OR10V1: variants seen among roughly 807,000 people sequenced by gnomAD.
OR10V1 encodes the protein olfactory receptor 10V1.
For synonymous variants in OR10V1, 139 were observed against 148.2 expected, an observed-to-expected ratio of 0.94 and a Z score of 0.45; for missense variants, 391 against 378.8, an observed-to-expected ratio of 1.03 and a Z score of -0.27.
Position 59,713,240 on chromosome 11 carries a change from G to C in OR10V1, c.606C>G (p.Ile202Met). ...DTRVHKTALY[I>M]ISFIVLSIPL... ...GGATGCTAAGGACGATGAAGCTGAT[G>C]ATATACAGAGCAGTCTTGTGAACGC... The change falls in exon 1 of 1, where the codon ATC (isoleucine) becomes ATG (methionine). Residue 202 changes from isoleucine to methionine, a missense_variant. Transcript: ENST00000307552. 4 of 1,614,174 alleles carry C rather than the reference G, an allele frequency of 2.5e-6. No homozygotes were observed. Among genetic ancestry groups the C allele is most frequent in the Non-Finnish European group, 3.4e-6 (4 of 1,180,022 alleles).
rs1290226961 is a variant in OR10V1, at chr11:59,713,380, A to G, written c.466T>C (p.Leu156=). 3 of 1,613,804 alleles carry G rather than the reference A, an allele frequency of 1.9e-6. No individual in the cohort carries two copies. Among genetic ancestry groups the G allele is most frequent in the Non-Finnish European group, 2.5e-6 (3 of 1,180,016 alleles). ...ATTAAAATGGTGAGTGGCAGTGACA[A>G]CAGGAACCCCAGCACCAAGGAGCCT... ...LVGSLVLGFL[L]SLPLTILIFH... Residue 156 remains leucine (L), a synonymous_variant, in exon 1 of 1, where the codon TTG becomes CTG. Transcript: ENST00000307552.
In OR10V1 at chr11:59,713,459, G is replaced by T. The variant is rs542215718; in HGVS notation, c.387C>A (p.His129Gln). Residue 129 changes from histidine (H) to glutamine (Q), a missense_variant, in exon 1 of 1, where the codon CAC becomes CAA. By Grantham distance (24) the His-to-Gln change is conservative. Coordinates refer to ENST00000307552, the MANE Select transcript of OR10V1 (RefSeq NM_001005324.1). ...MAYDQFIAIC[H>Q]PLRYRLIMSW... ...TCATGATGAGCCTGTATCGCAGAGGGTGACAGATCGCTATAAACTGGTCAT... is the reference window on the plus strand; with the variant it reads ...TCATGATGAGCCTGTATCGCAGAGGTTGACAGATCGCTATAAACTGGTCAT... 1 of 1,613,504 alleles carries T rather than the reference G, an allele frequency of 6.2e-7. No homozygotes were observed. The highest frequency in any genetic ancestry group is 8.5e-7 in the Non-Finnish European group (1 of 1,179,722).
Position 59,713,032 on chromosome 11 carries a change from C to T in OR10V1, c.814G>A (p.Gly272Ser). The T allele has an allele frequency of 6.2e-7, 1 of 1,614,058 alleles. No individual in the cohort carries two copies. Among genetic ancestry groups the T allele is most frequent in the Non-Finnish European group, 8.5e-7 (1 of 1,179,980 alleles). The change falls in exon 1 of 1, where the codon GGC becomes AGC. Residue 272 changes from glycine to serine, a missense_variant. By Grantham distance (56) the Gly-to-Ser change is moderately conservative. Transcript: ENST00000307552. Reference protein sequence around the residue: ...SPSSSYSPEMGRVVSVAYTFI... With the variant: ...SPSSSYSPEMSRVVSVAYTFI... ...GTGTAGGCCACAGATACCACCCGGCCCATCTCAGGAGAGTAGCTGGAACTG... is the reference window on the plus strand; with the variant it reads ...GTGTAGGCCACAGATACCACCCGGCTCATCTCAGGAGAGTAGCTGGAACTG...
chr11:59,713,447 G>C lies in OR10V1; in HGVS notation c.399C>G (p.Tyr133Ter), dbSNP rs147991689. The change falls in exon 1 of 1, where the codon TAC becomes TAG. Residue 133 changes from tyrosine to a stop codon, truncating the protein, a stop_gained. Coordinates refer to ENST00000307552, the MANE Select transcript of OR10V1 (RefSeq NM_001005324.1). LOFTEE classifies it low-confidence loss of function (END_TRUNC). ...QFIAICHPLR[Y>*]RLIMSWSLCV... The stretch of plus-strand genomic sequence containing the variant: ...ACAAGGACCAGCTCATGATGAGCCT[G>C]TATCGCAGAGGGTGACAGATCGCTA... 2 of 1,613,520 alleles carry C rather than the reference G, an allele frequency of 1.2e-6. No homozygotes were observed. Among genetic ancestry groups the C allele is most frequent in the African/African-American group, 1.3e-5 (1 of 75,046 alleles).
Position 59,713,578 on chromosome 11 carries a change from TG to T in OR10V1, c.267del (p.Thr91LeufsTer27). On this transcript the variant is annotated frameshift_variant, in exon 1 of 1. Coordinates refer to ENST00000307552, the MANE Select transcript of OR10V1 (RefSeq NM_001005324.1). LOFTEE classifies it low-confidence loss of function (END_TRUNC). ...CATCCCGTGATGGAAACAGGAGTTT[TG>T]CCCATTGAAAGGAGGTTTGCCAAGG... The part of the protein sequence containing the change: ...PLALANLLSM[G>X]KTPVSITGCG... The T allele has an allele frequency of 6.2e-7, 1 of 1,614,152 alleles. No homozygotes were observed. Among genetic ancestry groups the T allele is most frequent in the Non-Finnish European group, 8.5e-7 (1 of 1,180,034 alleles).
chr11:59,713,693 G>GATCT lies in OR10V1; in HGVS notation c.149_152dup (p.Asn52AspfsTer15), dbSNP rs752359664. The stretch of plus-strand genomic sequence containing the variant: ...ACATGGGGGTGTGGAGGGAATGATT[G>GATCT]ATCTGAACAATGACTGCAATTGTAG... On this transcript the variant is annotated frameshift_variant, in exon 1 of 1. Coordinates refer to ENST00000307552, the MANE Select transcript of OR10V1 (RefSeq NM_001005324.1). LOFTEE classifies it low-confidence loss of function (END_TRUNC). 1.2e-6 allele frequency: 2 copies of GATCT among 1,613,990 alleles called. No individual in the cohort carries two copies. The highest frequency in any genetic ancestry group is 2.7e-5 in the African/African-American group (2 of 74,922).
chr11:59,713,689 G>A lies in OR10V1; in HGVS notation c.157C>T (p.His53Tyr), dbSNP rs760191577. The change falls in exon 1 of 1, where the codon CAT becomes TAT. Residue 53 changes from histidine (H) to tyrosine (Y), a missense_variant. Transcript: ENST00000307552. ...ATIAVIVQIN[H>Y]SLHTPMYFFL... Reference sequence around the variant, plus strand: ...AAGTACATGGGGGTGTGGAGGGAATGATTGATCTGAACAATGACTGCAATT... The same window carrying A: ...AAGTACATGGGGGTGTGGAGGGAATAATTGATCTGAACAATGACTGCAATT... 2 of 1,614,144 alleles carry A rather than the reference G, an allele frequency of 1.2e-6. No individual in the cohort carries two copies. The highest frequency in any genetic ancestry group is 1.7e-6 in the Non-Finnish European group (2 of 1,180,018).
rs1862207393 is a variant in OR10V1, at chr11:59,713,703, A to G, written c.143T>C (p.Ile48Thr). 1 of 1,614,158 alleles carries G rather than the reference A, an allele frequency of 6.2e-7. No homozygotes were observed. The highest frequency in any genetic ancestry group is 2.2e-5 in the East Asian group (1 of 44,878). ...GTGGAGGGAATGATTGATCTGAACA[A>G]TGACTGCAATTGTAGCATTTCCACC... ...SLGGNATIAVIVQINHSLHTP... is the reference protein window; with the variant it reads ...SLGGNATIAVTVQINHSLHTP... The change falls in exon 1 of 1, where the codon ATT becomes ACT. Residue 48 changes from isoleucine to threonine, a missense_variant. Physicochemically the swap from Ile to Thr is moderately conservative, Grantham distance 89. Coordinates refer to ENST00000307552, the MANE Select transcript of OR10V1 (RefSeq NM_001005324.1).
rs753564004 is a variant in OR10V1 at position 59,713,216 on chromosome 11, G to C, written c.630C>G (p.Ile210Met). The change falls in exon 1 of 1, where the codon ATC becomes ATG. Residue 210 changes from isoleucine (I) to methionine (M), a missense_variant. Ile to Met is a conservative substitution (Grantham distance 10). Coordinates refer to ENST00000307552, the MANE Select transcript of OR10V1 (RefSeq NM_001005324.1). ...LYIISFIVLS[I>M]PLSLISISYV... ...AGGAGATGGAGATCAATGAGAGGGG[G>C]ATGCTAAGGACGATGAAGCTGATGA... The C allele has an allele frequency of 1.2e-6, 2 of 1,614,000 alleles. No individual in the cohort carries two copies. Among genetic ancestry groups the C allele is most frequent in the African/African-American group, 2.7e-5 (2 of 74,902 alleles).
In OR10V1 at chr11:59,712,943, G is replaced by A; in HGVS notation, c.903C>T (p.Ala301=). ...YSLRNKELKD[A]LRKALRKF Reference sequence around the variant, plus strand: ...AGAATTTTCTCAATGCTTTCCTTAGGGCATCTTTCAGTTCCTTGTTCCTCA... The same window carrying A: ...AGAATTTTCTCAATGCTTTCCTTAGAGCATCTTTCAGTTCCTTGTTCCTCA... The change falls in exon 1 of 1, where the codon GCC becomes GCT. Residue 301 remains alanine (A), a synonymous_variant. Coordinates refer to ENST00000307552, the MANE Select transcript of OR10V1 (RefSeq NM_001005324.1). 2 of 1,613,278 alleles carry A rather than the reference G, an allele frequency of 1.2e-6. No homozygotes were observed. The highest frequency in any genetic ancestry group is 1.7e-6 in the Non-Finnish European group (2 of 1,179,504).
Position 59,713,299 on chromosome 11 carries a change from G to C in OR10V1, c.547C>G (p.Pro183Ala). The C allele has an allele frequency of 6.2e-7, 1 of 1,614,130 alleles. No individual in the cohort carries two copies. The highest frequency in any genetic ancestry group is 8.5e-7 in the Non-Finnish European group (1 of 1,180,000). ...GCACAAGCCAGGCGCATGACTGCAG[G>C]CATGTCACAGTAGAAGTGGTAGATC... is the stretch of plus-strand genomic sequence containing the variant. ...DEIYHFYCDMPAVMRLACADT... is the reference protein window; with the variant it reads ...DEIYHFYCDMAAVMRLACADT... The change falls in exon 1 of 1, where the codon CCT becomes GCT. Residue 183 changes from proline to alanine, a missense_variant. Coordinates refer to ENST00000307552, the MANE Select transcript of OR10V1 (RefSeq NM_001005324.1).
At position 59,712,964 on chromosome 11, in the gene OR10V1, C is replaced by T. The variant is rs1008205289; in HGVS notation, c.882G>A (p.Arg294=). 1 of 1,613,976 alleles carries T rather than the reference C, an allele frequency of 6.2e-7. No individual in the cohort carries two copies. The highest frequency in any genetic ancestry group is 8.5e-7 in the Non-Finnish European group (1 of 1,179,942). The change falls in exon 1 of 1, where the codon AGG becomes AGA. Residue 294 remains arginine, a synonymous_variant. Transcript: ENST00000307552. ...TTAGGGCATCTTTCAGTTCCTTGTT[C>T]CTCAAACTATAGATCAAGGGGTTTA... The part of the protein sequence containing the change: ...PILNPLIYSL[R]NKELKDALRK...
In OR10V1 at chr11:59,713,472, A is replaced by G. The variant is rs1429887828; in HGVS notation, c.374T>C (p.Ile125Thr). 1.2e-6 allele frequency: 2 copies of G among 1,613,718 alleles called. No homozygotes were observed. Among genetic ancestry groups the G allele is most frequent in the Admixed American group, 1.7e-5 (1 of 59,882 alleles). ...LLVVMAYDQF[I>T]AICHPLRYRL... is the part of the protein sequence containing the mutation. Reference sequence around the variant, plus strand: ...GTATCGCAGAGGGTGACAGATCGCTATAAACTGGTCATAAGCCATGACTAC... The same window carrying G: ...GTATCGCAGAGGGTGACAGATCGCTGTAAACTGGTCATAAGCCATGACTAC... Residue 125 changes from isoleucine to threonine, a missense_variant, in exon 1 of 1, where the codon ATA (isoleucine) becomes ACA (threonine). Coordinates refer to ENST00000307552, the MANE Select transcript of OR10V1 (RefSeq NM_001005324.1).
rs1862205064 is a variant in OR10V1 at position 59,713,598 on chromosome 11, G to T, written c.248C>A (p.Ala83Glu). The T allele has an allele frequency of 6.2e-7, 1 of 1,614,178 alleles. No individual in the cohort carries two copies. Among genetic ancestry groups the T allele is most frequent in the Admixed American group, 1.7e-5 (1 of 60,012 alleles). ...AGTTTTGCCCATTGAAAGGAGGTTT[G>T]CCAAGGCCAATGGGGTGATGGAAGA... Reference protein sequence around the residue: ...YTSSITPLALANLLSMGKTPV... With the variant: ...YTSSITPLALENLLSMGKTPV... The change falls in exon 1 of 1, where the codon GCA becomes GAA. Residue 83 changes from alanine to glutamate, a missense_variant. Transcript: ENST00000307552.
rs774571833 is a variant in OR10V1, at chr11:59,713,310, T to C, written c.536A>G (p.Tyr179Cys). 4 of 1,613,860 alleles carry C rather than the reference T, an allele frequency of 2.5e-6. No individual in the cohort carries two copies. In the Admixed American group the frequency reaches 5.0e-5, roughly 20 times the overall value. ...GCGCATGACTGCAGGCATGTCACAG[T>C]AGAAGTGGTAGATCTCATCATTGTG... ...FCHNDEIYHFYCDMPAVMRLA... is the reference protein window; with the variant it reads ...FCHNDEIYHFCCDMPAVMRLA... Residue 179 changes from tyrosine to cysteine, a missense_variant, in exon 1 of 1, where the codon TAC becomes TGC. Transcript: ENST00000307552.
Position 59,712,932 on chromosome 11 carries a change from G to A in OR10V1, c.914C>T (p.Ala305Val). The A allele has an allele frequency of 6.2e-7, 1 of 1,611,698 alleles. No individual in the cohort carries two copies. The highest frequency in any genetic ancestry group is 8.5e-7 in the Non-Finnish European group (1 of 1,178,416). The change falls in exon 1 of 1, where the codon GCA (alanine) becomes GTA (valine). Residue 305 changes from alanine (A) to valine (V), a missense_variant. Transcript: ENST00000307552. ...TCATCCTACCTAGAATTTTCTCAATGCTTTCCTTAGGGCATCTTTCAGTTC... is the reference window on the plus strand; with the variant it reads ...TCATCCTACCTAGAATTTTCTCAATACTTTCCTTAGGGCATCTTTCAGTTC... Reference protein sequence around the residue: ...NKELKDALRKALRKF With the variant: ...NKELKDALRKVLRKF
chr11:59,713,246 C>T lies in OR10V1; in HGVS notation c.600G>A (p.Leu200=). Residue 200 remains leucine (L), a synonymous_variant, in exon 1 of 1, where the codon CTG becomes CTA. Transcript: ENST00000307552. The part of the protein sequence containing the change: ...CADTRVHKTA[L]YIISFIVLSI... ...TAAGGACGATGAAGCTGATGATATACAGAGCAGTCTTGTGAACGCGTGTGT... is the reference window on the plus strand; with the variant it reads ...TAAGGACGATGAAGCTGATGATATATAGAGCAGTCTTGTGAACGCGTGTGT... The T allele has an allele frequency of 6.2e-7, 1 of 1,614,134 alleles. No homozygotes were observed. Among genetic ancestry groups the T allele is most frequent in the East Asian group, 2.2e-5 (1 of 44,884 alleles).
Position 59,713,273 on chromosome 11 carries a change from T to C in OR10V1, c.573A>G (p.Ala191=). Residue 191 remains alanine, a synonymous_variant, in exon 1 of 1, where the codon GCA becomes GCG. Coordinates refer to ENST00000307552, the MANE Select transcript of OR10V1 (RefSeq NM_001005324.1). ...DMPAVMRLAC[A]DTRVHKTALY... ...GAGCAGTCTTGTGAACGCGTGTGTC[T>C]GCACAAGCCAGGCGCATGACTGCAG... The C allele has an allele frequency of 2.5e-6, 4 of 1,614,156 alleles. No individual in the cohort carries two copies. Among genetic ancestry groups the C allele is most frequent in the Non-Finnish European group, 3.4e-6 (4 of 1,180,020 alleles).
rs559829886 is a variant in OR10V1 at position 59,713,317 on chromosome 11, G to A, written c.529C>T (p.His177Tyr). 224 of 1,613,974 alleles carry A rather than the reference G, an allele frequency of 1.4e-4. 4 individuals are homozygous for A. In the South Asian group the frequency reaches 2.4e-3, roughly 18 times the overall value. Reference protein sequence around the residue: ...LPFCHNDEIYHFYCDMPAVMR... With the variant: ...LPFCHNDEIYYFYCDMPAVMR... ...ACTGCAGGCATGTCACAGTAGAAGT[G>A]GTAGATCTCATCATTGTGGCAGAAT... Residue 177 changes from histidine to tyrosine, a missense_variant, in exon 1 of 1, where the codon CAC becomes TAC. His to Tyr is a moderately conservative substitution (Grantham distance 83, BLOSUM62 2). Transcript: ENST00000307552.
Sources: allele counts gnomAD v4.1 joint callset, GRCh38; gene constraint gnomAD v4.1.1; transcripts MANE v1.5; gene names NCBI Gene and HGNC (gene_info 2026-07-23, HGNC 2026-07-21).